Variants in RAB7A observed in about 807,000 individuals in gnomAD.
RAB7A encodes the protein ras-related protein Rab-7a.
In RAB7A, 2 loss-of-function variants were observed where a neutral mutation model predicts 24.5. The observed-to-expected ratio is 0.08, with a 90% CI of 0.03 to 0.26. RAB7A has a LOEUF of 0.26. RAB7A is among the 10% of genes least tolerant of loss of function. The pLI is 1.00. For synonymous variants in RAB7A, 100 were observed against 95.9 expected, an observed-to-expected ratio of 1.04 and a Z score of -0.25; for missense variants, 118 against 255.7, an observed-to-expected ratio of 0.46 and a Z score of 3.67.
chr3:128,764,910 CA>C (rs2070813743), intron 1 of RAB7A: 11 of 1,556,518 alleles, frequency 7.1e-6, no homozygotes, highest in Non-Finnish European at 8.8e-6. Flanking sequence ...AAGACACGGA[CA>C]GGTAAACGTA....
intron 1 of RAB7A, 43 bp downstream of exon 1, chr3:128,726,402 C>T (rs899015623): frequency 2.0e-5 from 3 of 152,278 alleles, no homozygotes; most frequent in Non-Finnish European, 4.4e-5. Flanking sequence ...GGCCCCATCC[C>T]CCCCCTCAGC....
intron 1 of RAB7A, 59 bp from the exon 2 acceptor site, chr3:128,795,301 G>C (rs932239784): frequency 7.2e-6 from 10 of 1,382,112 alleles, no homozygotes; most frequent in Admixed American, 3.4e-5. Context: ...GTGCAAGGGA[G>C]GTGTTTTGTT....
rs577055028 is a variant in RAB7A at position 128,763,038 on chromosome 3, T to C, written c.-8-32322T>C. On this transcript the variant is annotated intron_variant, in intron 1 of 5. Coordinates refer to ENST00000265062, the MANE Select transcript of RAB7A (RefSeq NM_004637.6). ...CCTTCCCTTTTTCTGTCATTATCTTTAGTTTTGGAAAGATCAAGCCAGTTG... is the reference window on the plus strand; with the variant it reads ...CCTTCCCTTTTTCTGTCATTATCTTCAGTTTTGGAAAGATCAAGCCAGTTG... 2.6e-5 allele frequency among the ~76,000 whole-genome samples: 4 copies of C among 151,892 alleles called. No individual in the cohort carries two copies. In the South Asian group the frequency reaches 8.3e-4, roughly 32 times the overall value.
At chr3:128,761,781 A>G (rs910640547) in intron 1 of RAB7A, among the ~76,000 whole-genome samples, 4 of 152,236 alleles carry the variant, frequency 2.6e-5, no homozygotes, top group Non-Finnish European at 5.9e-5. Context: ...GTGATTGTAT[A>G]CAATTTAATT....
intron 2 of RAB7A, among the ~76,000 whole-genome samples, 159 bp downstream of exon 2, chr3:128,795,579 T>C (rs1933549125): frequency 1.3e-5 from 2 of 151,996 alleles, no homozygotes; most frequent in South Asian, 4.2e-4. Flanking sequence ...TCCCTTGTTA[T>C]ATAACCTTTT....
chr3:128,779,706 C>T (rs1205241478), intron 1 of RAB7A, among the ~76,000 whole-genome samples: 1 of 152,120 alleles, frequency 6.6e-6, no homozygotes, highest in East Asian at 1.9e-4. Flanking sequence ...ATTCTCCTGC[C>T]TCAGCCTCCT....
At chr3:128,747,842 A>G (rs62272579) in intron 1 of RAB7A, among the ~76,000 whole-genome samples, 7,339 of 151,202 alleles carry the variant, frequency 0.049, 465 homozygotes, top group South Asian at 0.13. Flanking sequence ...ATCTTGGCTC[A>G]CTGCAACCTC....
At chr3:128,755,385 A>G (rs2070720937) in intron 1 of RAB7A, among the ~76,000 whole-genome samples, 1 of 152,222 alleles carries the variant, frequency 6.6e-6, no homozygotes, top group Non-Finnish European at 1.5e-5. Context: ...TTACAGCTAT[A>G]AATGCCTTCA....
chr3:128,787,475 C>G (rs1933363803), intron 1 of RAB7A, among the ~76,000 whole-genome samples: 1 of 152,162 alleles, frequency 6.6e-6, no homozygotes, highest in Non-Finnish European at 1.5e-5. Context: ...TGGGTGAGAG[C>G]TGGTACTGCA....
chr3:128,776,344 A>G (rs1272991818), intron 1 of RAB7A, among the ~76,000 whole-genome samples: 1 of 151,770 alleles, frequency 6.6e-6, no homozygotes, highest in East Asian at 1.9e-4. Flanking sequence ...AACACAGCTC[A>G]CTACAGCCTG....
At chr3:128,738,975 G>A (rs1466878467) in intron 1 of RAB7A, among the ~76,000 whole-genome samples, 1 of 152,190 alleles carries the variant, frequency 6.6e-6, no homozygotes, top group Non-Finnish European at 1.5e-5. Context: ...AAAAACGAGA[G>A]TAATGTGTAA....
At chr3:128,728,715 G>A (rs2070404928) in intron 1 of RAB7A, among the ~76,000 whole-genome samples, 1 of 152,174 alleles carries the variant, frequency 6.6e-6, no homozygotes, top group African/African-American at 2.4e-5. Context: ...GCCTGTCTCG[G>A]CCTCCGAAAA....
In RAB7A at chr3:128,731,817, C is replaced by T. The variant is rs144645250; in HGVS notation, c.-9+5458C>T. 3.6e-3 allele frequency among the ~76,000 whole-genome samples: 544 copies of T among 152,028 alleles called. 5 individuals carry two copies. Among genetic ancestry groups the T allele is most frequent in the African/African-American group, 0.012 (500 of 41,508 alleles). ...GGTCAAGAGATAGAGACCATCCTGG[C>T]CAACGTGGTGAAACCCCGTCTATAC... On this transcript the variant is annotated intron_variant, in intron 1 of 5. Coordinates refer to ENST00000265062, the MANE Select transcript of RAB7A (RefSeq NM_004637.6).
intron 1 of RAB7A, among the ~76,000 whole-genome samples, chr3:128,782,258 T>C (rs1933237588): frequency 6.6e-6 from 1 of 152,178 alleles, no homozygotes; most frequent in Non-Finnish European, 1.5e-5. Flanking sequence ...CTATGGAGCC[T>C]TAGACAAGTT....
chr3:128,737,243 G>A (rs1040270207), intron 1 of RAB7A, among the ~76,000 whole-genome samples: 5 of 151,322 alleles, frequency 3.3e-5, no homozygotes, highest in Non-Finnish European at 7.4e-5. Context: ...GTGTCACTGT[G>A]TTAGCCAGGA....
chr3:128,797,947 G>T lies in RAB7A; in HGVS notation c.58G>T (p.Gly20Trp). 1 of 1,613,508 alleles carries T rather than the reference G, an allele frequency of 6.2e-7. No individual in the cohort carries two copies. The highest frequency in any genetic ancestry group is 1.1e-5 in the South Asian group (1 of 91,020). The change falls in exon 3 of 6, where the codon GGG becomes TGG. Residue 20 changes from glycine to tryptophan, a missense_variant. By Grantham distance (184) the Gly-to-Trp change is radical (BLOSUM62 -2). Transcript: ENST00000265062. ...KVIILGDSGV[G>W]KTSLMNQYVN... ...ATGGTTTTTCTCCAATTTCAGAGTC[G>T]GGAAGACATCACTCATGAACCAGTA...
chr3:128,737,784 G>A (rs1371107428), intron 1 of RAB7A, among the ~76,000 whole-genome samples: 2 of 145,036 alleles, frequency 1.4e-5, no homozygotes, highest in East Asian at 4.1e-4. Flanking sequence ...CAGTAGCTGG[G>A]ACTACAGGCA....
intron 1 of RAB7A, chr3:128,795,136 G>T: frequency 1.7e-6 from 1 of 585,590 alleles, no homozygotes; most frequent in Non-Finnish European, 3.1e-6. Flanking sequence ...CCAACAGCTT[G>T]CAGGGGCAGG....
At chr3:128,748,169 G>A (rs116200858) in intron 1 of RAB7A, among the ~76,000 whole-genome samples, 1,877 of 152,338 alleles carry the variant, frequency 0.012, 39 homozygotes, top group African/African-American at 0.043. Flanking sequence ...TCATCTGGTC[G>A]CTCAGCATGG....
Sources: allele counts gnomAD v4.1 joint callset (sites outside exome capture counted in the v4.1 genomes callset), GRCh38; gene constraint gnomAD v4.1.1; transcripts MANE v1.5; gene names NCBI Gene and HGNC (gene_info 2026-07-23, HGNC 2026-07-21).